TNIK: variants seen among roughly 807,000 people sequenced by gnomAD.
TNIK encodes the protein TRAF2 and NCK-interacting protein kinase.
In TNIK, 49 loss-of-function variants were observed where a neutral mutation model predicts 191.3. The ratio of observed to expected loss-of-function variants is 0.26; its 90% CI spans 0.20 to 0.32. The LOEUF is 0.32. TNIK is among the 10% of genes least tolerant of loss of function. The pLI is 1.00. For synonymous variants in TNIK, 594 were observed against 600.9 expected, an observed-to-expected ratio of 0.99 and a Z score of 0.17; for missense variants, 1,155 against 1,702.3, an observed-to-expected ratio of 0.68 and a Z score of 5.66.
At chr3:171,066,758 G>A in intron 30 of TNIK, 23 bp from the exon 31 acceptor site, 1 of 1,602,932 alleles carries the variant, frequency 6.2e-7, no homozygotes, top group Non-Finnish European at 8.5e-7. Flanking sequence ...GAAAAGCCAA[G>A]CATTATTCTT....
At chr3:171,114,261 A>G (rs1726341932) in intron 18 of TNIK, among the ~76,000 whole-genome samples, 1 of 152,158 alleles carries the variant, frequency 6.6e-6, no homozygotes, top group African/African-American at 2.4e-5. Flanking sequence ...GTTATCATAC[A>G]GCTATGATTT....
At chr3:171,088,864 C>G (rs1721694646) in intron 23 of TNIK, among the ~76,000 whole-genome samples, 1 of 152,182 alleles carries the variant, frequency 6.6e-6, no homozygotes, top group South Asian at 2.1e-4. Context: ...TCTGCCTTTT[C>G]TTTCATTCAT....
At chr3:171,210,864 A>C (rs867339365) in intron 4 of TNIK, among the ~76,000 whole-genome samples, 23 of 152,116 alleles carry the variant, frequency 1.5e-4, no homozygotes, top group African/African-American at 4.3e-4. Flanking sequence ...AAAAAAAAAA[A>C]AAAACAGAGA....
At chr3:171,085,668 C>A (rs1258745543) in intron 24 of TNIK, among the ~76,000 whole-genome samples, 3 of 152,150 alleles carry the variant, frequency 2.0e-5, no homozygotes, top group African/African-American at 7.2e-5. Flanking sequence ...AACCAAGGGG[C>A]TTTCTCTTGG....
intron 9 of TNIK, among the ~76,000 whole-genome samples, chr3:171,170,437 C>T (rs919699339): frequency 6.6e-6 from 1 of 152,088 alleles, no homozygotes; most frequent in African/African-American, 2.4e-5. Context: ...TTGCATTGGC[C>T]CTGCCCTATT....
At chr3:171,403,538 C>T (rs9290414) in intron 1 of TNIK, among the ~76,000 whole-genome samples, 91,209 of 149,474 alleles carry the variant, frequency 0.61, 28,690 homozygotes, top group Non-Finnish European at 0.66. Context: ...CTCTTAAACC[C>T]GGGAAGCAGA....
At position 171,167,121 on chromosome 3, in the gene TNIK, C is replaced by G; in HGVS notation, c.923G>C (p.Arg308Thr). The G allele has an allele frequency of 6.2e-7, 1 of 1,612,322 alleles. No homozygotes were observed. Among genetic ancestry groups the G allele is most frequent in the Non-Finnish European group, 8.5e-7 (1 of 1,179,240 alleles). ...VRIQLKDHID[R>T]TKKKRGEKDE... ...TTTTTCTCCTCGCTTCTTCTTTGTTCTATCAATATGGTCCTTGAGTTGAAT... is the reference window on the plus strand; with the variant it reads ...TTTTTCTCCTCGCTTCTTCTTTGTTGTATCAATATGGTCCTTGAGTTGAAT... The change falls in exon 10 of 33, where the codon AGA (arginine) becomes ACA (threonine). Residue 308 changes from arginine to threonine, a missense_variant. Physicochemically the swap from Arg to Thr is moderately conservative, Grantham distance 71 (BLOSUM62 -1). Coordinates refer to ENST00000436636, the MANE Select transcript of TNIK (RefSeq NM_015028.4).
intron 3 of TNIK, among the ~76,000 whole-genome samples, chr3:171,222,459 C>A (rs1344186200): frequency 6.6e-6 from 1 of 152,088 alleles, no homozygotes; most frequent in African/African-American, 2.4e-5. Flanking sequence ...GTATTAGCCC[C>A]TTTTTGGCCT....
chr3:171,152,398 G>T (rs1480975358), intron 12 of TNIK, among the ~76,000 whole-genome samples: 3 of 152,138 alleles, frequency 2.0e-5, no homozygotes, highest in African/African-American at 7.2e-5. Flanking sequence ...ACAAGCATAA[G>T]GTGGGTCTCA....
intron 2 of TNIK, among the ~76,000 whole-genome samples, chr3:171,318,471 T>A (rs1156265849): frequency 1.3e-5 from 2 of 152,142 alleles, no homozygotes; most frequent in African/African-American, 4.8e-5. Context: ...CAAAGCAAAA[T>A]TTCTTAAGTT....
intron 2 of TNIK, among the ~76,000 whole-genome samples, chr3:171,314,175 C>A (rs1754347491): frequency 6.6e-6 from 1 of 152,136 alleles, no homozygotes; most frequent in Admixed American, 6.6e-5. Flanking sequence ...TTGCTGGAGT[C>A]CCTTTACAAC....
At chr3:171,127,482 A>C (rs992497923) in intron 16 of TNIK, among the ~76,000 whole-genome samples, 2 of 152,210 alleles carry the variant, frequency 1.3e-5, no homozygotes, top group African/African-American at 4.8e-5. Context: ...GAAGCACCTG[A>C]AGAAAGCTTA....
chr3:171,115,212 T>C (rs887272101), intron 18 of TNIK, among the ~76,000 whole-genome samples: 5 of 152,216 alleles, frequency 3.3e-5, no homozygotes, highest in African/African-American at 1.2e-4. Context: ...TGGTGATAAA[T>C]GCTCTGAGTT....
chr3:171,348,805 T>C (rs1712672194), intron 2 of TNIK, among the ~76,000 whole-genome samples: 1 of 152,084 alleles, frequency 6.6e-6, no homozygotes, highest in African/African-American at 2.4e-5. Context: ...AATGAAAGTG[T>C]TATTTCTTAA....
rs1718835706 is a variant in TNIK, at chr3:171,069,008, C to G, written c.3550-11G>C. On this transcript the variant is annotated splice_polypyrimidine_tract_variant and intron_variant, in intron 29 of 32. Coordinates refer to ENST00000436636, the MANE Select transcript of TNIK (RefSeq NM_015028.4). ...GAGATCTGCAAAAGACTTTAAAAAT[C>G]ACCCCATTAGTATCCGCATCACTCA... is the stretch of plus-strand genomic sequence containing the variant. The G allele has an allele frequency of 1.2e-6, 2 of 1,609,106 alleles. No individual in the cohort carries two copies. Among genetic ancestry groups the G allele is most frequent in the South Asian group, 1.1e-5 (1 of 89,770 alleles).
chr3:171,350,566 T>G (rs1279460896), intron 2 of TNIK, among the ~76,000 whole-genome samples: 1 of 134,104 alleles, frequency 7.5e-6, no homozygotes, highest in Non-Finnish European at 1.5e-5. Context: ...GTGAAAGATT[T>G]CCATATAACA....
intron 2 of TNIK, among the ~76,000 whole-genome samples, chr3:171,332,813 G>A (rs1281273701): frequency 1.3e-5 from 2 of 152,158 alleles, no homozygotes; most frequent in Non-Finnish European, 2.9e-5. Context: ...ATATTTGGCC[G>A]GAGATTATTC....
At chr3:171,189,868 T>C (rs1327495834) in intron 6 of TNIK, among the ~76,000 whole-genome samples, 1 of 152,160 alleles carries the variant, frequency 6.6e-6, no homozygotes, top group Non-Finnish European at 1.5e-5. Flanking sequence ...AGAATATTCA[T>C]GAGGTGAGAA....
chr3:171,079,870 A>G (rs1720443057), intron 27 of TNIK, among the ~76,000 whole-genome samples: 1 of 152,204 alleles, frequency 6.6e-6, no homozygotes, highest in African/African-American at 2.4e-5. Context: ...TCACAGAATT[A>G]CAATGTCTTT....
Sources: allele counts gnomAD v4.1 joint callset (sites outside exome capture counted in the v4.1 genomes callset), GRCh38; gene constraint gnomAD v4.1.1; transcripts MANE v1.5; gene names NCBI Gene and HGNC (gene_info 2026-07-23, HGNC 2026-07-21).